Variants in DLC1 observed in about 807,000 individuals in gnomAD.
DLC1 encodes the protein DLC1 Rho GTPase activating protein.
A neutral mutation model predicts 140.3 loss-of-function variants in DLC1; 54 were observed. That is an observed-to-expected ratio of 0.38 (90% confidence interval 0.31 to 0.48). DLC1 has a LOEUF of 0.48. DLC1 is among the 20% of genes least tolerant of loss of function. DLC1 has a pLI of 0.96. For missense variants in DLC1, 2,536 were observed against 1,907.0 expected (o/e 1.33, Z -6.14); for synonymous variants, 986 against 728.1 (o/e 1.35, Z -5.70).
intron 15 of DLC1, 46 bp from the exon 16 acceptor site, chr8:13,088,750 C>T: frequency 1.3e-6 from 2 of 1,573,296 alleles, no homozygotes; most frequent in South Asian, 1.2e-5. Flanking sequence ...TCCATACACA[C>T]CTAGTTTTTG....
rs577019997 is a variant in DLC1, at chr8:13,142,787, C to G, written c.1349-27130G>C. Among the ~76,000 whole-genome samples the G allele has an allele frequency of 7.9e-5, 12 of 152,292 alleles. No homozygotes were observed. The East Asian group carries it at 1.7e-3, about 22-fold the overall frequency. On this transcript the variant is annotated intron_variant, in intron 5 of 17. Transcript: ENST00000276297. ...CTGGCATGCCAGGCAAGGTGGCTCACGCCTGTAATCCCAGCACTTTGGGAG... is the reference window on the plus strand; with the variant it reads ...CTGGCATGCCAGGCAAGGTGGCTCAGGCCTGTAATCCCAGCACTTTGGGAG...
intron 5 of DLC1, among the ~76,000 whole-genome samples, chr8:13,280,287 C>CAAAAAAAAA (rs55791933): frequency 1.2e-3 from 76 of 65,302 alleles, no homozygotes; most frequent in Admixed American, 1.3e-3. Context: ...GACTCCATCT[C>CAAAAAAAAA]AAAAAAAAAA....
intron 4 of DLC1, among the ~76,000 whole-genome samples, chr8:13,378,188 G>A (rs551059869): frequency 1.4e-5 from 2 of 143,278 alleles, no homozygotes; most frequent in East Asian, 4.3e-4. Flanking sequence ...TGCACATTGT[G>A]CACATGTACC....
At chr8:13,183,038 C>T (rs183158710) in intron 5 of DLC1, among the ~76,000 whole-genome samples, 36 of 152,174 alleles carry the variant, frequency 2.4e-4, no homozygotes, top group African/African-American at 7.9e-4. Context: ...GCTTCGCATC[C>T]CTTGTAAGTT....
rs545536964 is a variant in DLC1, at chr8:13,595,936, G to A, written c.-126+8601C>T. 5.6e-4 allele frequency among the ~76,000 whole-genome samples: 85 copies of A among 152,020 alleles called. 1 individual carries two copies. The South Asian group carries it at 0.014, about 24-fold the overall frequency. ...TCATTTCTAAATATATCACACAAAA[G>A]CAATCTATACAAAATAACATATTAG... is the stretch of plus-strand genomic sequence containing the variant. On this transcript the variant is annotated intron_variant, in intron 1 of 1. Coordinates refer to the DLC1 transcript ENST00000631382.
At chr8:13,146,355 C>CT (rs963273632) in intron 5 of DLC1, among the ~76,000 whole-genome samples, 18 of 150,270 alleles carry the variant, frequency 1.2e-4, no homozygotes, top group South Asian at 4.2e-4. Flanking sequence ...TAAAAGGACT[C>CT]TTTTTTTTTA....
Position 13,083,547 on chromosome 8 carries a change from TTCA to T in DLC1, c.*2261_*2263del, listed in dbSNP as rs1817313151. On this transcript the variant is annotated 3_prime_UTR_variant, in exon 18 of 18. Coordinates refer to ENST00000276297, the MANE Select transcript of DLC1 (RefSeq NM_182643.3). ...GACCTCAGCAGAGTTCTTGAAAATG[TTCA>T]TATCCTTCAAATTCTTCTCTTGTCA... is the stretch of plus-strand genomic sequence containing the variant. 6.6e-6 allele frequency: 1 copy of T among 152,580 alleles called. No individual in the cohort carries two copies. The highest frequency in any genetic ancestry group is 6.5e-5 in the Admixed American group (1 of 15,300). 9.5% of individuals were successfully genotyped at this position (152,580 alleles called of 1,614,324 possible).
intron 2 of DLC1, among the ~76,000 whole-genome samples, chr8:13,407,802 G>C (rs1016846112): frequency 2.0e-5 from 3 of 152,166 alleles, no homozygotes; most frequent in Non-Finnish European, 2.9e-5. Flanking sequence ...ACTCACCCGT[G>C]AAAGAAAGGG....
chr8:13,447,411 CA>C (rs1798827186), intron 2 of DLC1, among the ~76,000 whole-genome samples: 1 of 152,106 alleles, frequency 6.6e-6, no homozygotes, highest in Admixed American at 6.6e-5. Flanking sequence ...TTTGTTCAGG[CA>C]AATATGTGGC....
intron 4 of DLC1, among the ~76,000 whole-genome samples, chr8:13,354,952 C>CAAA (rs33950865): frequency 9.3e-6 from 1 of 106,980 alleles, no homozygotes; most frequent in Non-Finnish European, 2.0e-5. Context: ...GACACTGGCT[C>CAAA]AAAAAAAAAA....
At chr8:13,123,688 C>T (rs1308796256) in intron 5 of DLC1, among the ~76,000 whole-genome samples, 2 of 152,188 alleles carry the variant, frequency 1.3e-5, no homozygotes, top group East Asian at 1.9e-4. Context: ...TTTTCTTCTT[C>T]CACAAAACTT....
intron 1 of DLC1, chr8:13,536,255 G>A (rs985543666): frequency 1.3e-5 from 2 of 152,314 alleles, no homozygotes; most frequent in East Asian, 1.9e-4. Flanking sequence ...ATTCCACGGA[G>A]AGACAAATAA....
At chr8:13,415,417 T>G (rs1359477632) in intron 2 of DLC1, among the ~76,000 whole-genome samples, 1 of 131,510 alleles carries the variant, frequency 7.6e-6, no homozygotes, top group Non-Finnish European at 1.7e-5. Context: ...TTTTTTTTTT[T>G]GAGACAGAAT....
intron 5 of DLC1, among the ~76,000 whole-genome samples, chr8:13,201,562 T>C: frequency 6.6e-6 from 1 of 152,034 alleles, no homozygotes; most frequent in East Asian, 1.9e-4. Context: ...TCTAATATAT[T>C]AGAATAAAAG....
At chr8:13,436,458 C>T (rs1341093154) in intron 2 of DLC1, among the ~76,000 whole-genome samples, 2 of 152,122 alleles carry the variant, frequency 1.3e-5, no homozygotes, top group Non-Finnish European at 2.9e-5. Flanking sequence ...AGGACTGACC[C>T]GTTTTCAATC....
chr8:13,465,890 T>C (rs755670530), intron 2 of DLC1, among the ~76,000 whole-genome samples: 12 of 152,260 alleles, frequency 7.9e-5, no homozygotes, highest in Non-Finnish European at 1.0e-4. Flanking sequence ...TTAGTTAGAA[T>C]CAGGACTTTG....
intron 2 of DLC1, among the ~76,000 whole-genome samples, chr8:13,405,060 G>C (rs530255846): frequency 2.0e-5 from 3 of 150,626 alleles, no homozygotes; most frequent in Non-Finnish European, 3.0e-5. Flanking sequence ...TTTTTTTTTA[G>C]TAGTGGTTCC....
chr8:13,573,375 G>A (rs534967686), intron 1 of DLC1, among the ~76,000 whole-genome samples: 8 of 152,206 alleles, frequency 5.3e-5, no homozygotes, highest in Admixed American at 3.9e-4. Flanking sequence ...AGATTCTTTA[G>A]GGTTTTCTAG....
At chr8:13,107,623 C>T (rs1232296714) in intron 7 of DLC1, among the ~76,000 whole-genome samples, 2 of 152,200 alleles carry the variant, frequency 1.3e-5, no homozygotes, top group Non-Finnish European at 2.9e-5. Context: ...TATTTGCTGG[C>T]CCTTGAATTC....
Sources: allele counts gnomAD v4.1 joint callset (sites outside exome capture counted in the v4.1 genomes callset), GRCh38; gene constraint gnomAD v4.1.1; transcripts MANE v1.5; gene names NCBI Gene and HGNC (gene_info 2026-07-23, HGNC 2026-07-21).